ABCA12: variants seen among roughly 807,000 people sequenced by gnomAD.
ABCA12 encodes ATP binding cassette subfamily A member 12, also known as glucosylceramide transporter ABCA12.
A neutral mutation model predicts 293.5 loss-of-function variants in ABCA12; 156 were observed. The observed-to-expected ratio is 0.53, with a 90% CI of 0.47 to 0.61. ABCA12 has a LOEUF of 0.61. Ranked by LOEUF, ABCA12 falls within the 20% of genes least tolerant of loss-of-function variation. ABCA12 has a pLI of 0.00. For synonymous variants in ABCA12, 1,063 were observed against 1,108.0 expected (o/e 0.96, Z 0.81); for missense variants, 2,797 against 3,090.2 (o/e 0.91, Z 2.25).
rs775246769 is a variant in ABCA12, at chr2:214,986,673, G to A, written c.4032C>T (p.Val1344=). 1.7e-5 allele frequency: 27 copies of A among 1,613,964 alleles called. No homozygotes were observed. The highest frequency in any genetic ancestry group is 5.3e-5 in the African/African-American group (4 of 74,900). Residue 1344 remains valine, a synonymous_variant, in exon 28 of 53, where the codon GTC becomes GTT. Transcript: ENST00000272895. ...TTGTGACCCCATGCAGGGCAACCCC[G>A]ACTGTGAGATCTTTAGGTTCAGGCT... ...NIEPEPKDLT[V]GVALHGVTKI...
intron 2 of ABCA12, among the ~76,000 whole-genome samples, chr2:215,095,923 C>G (rs1160932605): frequency 6.6e-6 from 1 of 152,142 alleles, no homozygotes; most frequent in Non-Finnish European, 1.5e-5. Flanking sequence ...CCCTATCTTC[C>G]TTTGCTGACT....
intron 17 of ABCA12, among the ~76,000 whole-genome samples, chr2:215,010,725 G>A (rs933816981): frequency 1.8e-4 from 28 of 152,054 alleles, no homozygotes; most frequent in African/African-American, 6.0e-4. Context: ...AATAGAAAAC[G>A]TGAAAGCCAC....
At chr2:214,971,143 C>CA (rs1324668903) in intron 36 of ABCA12, among the ~76,000 whole-genome samples, 1 of 152,090 alleles carries the variant, frequency 6.6e-6, no homozygotes, top group Non-Finnish European at 1.5e-5. Context: ...TCTCATGCTT[C>CA]ATTGCAATGA....
Position 215,138,531 on chromosome 2 carries a change from A to T in ABCA12, c.-323T>A. ...GCACGAAGTCCAGACTCAAGAGAGAATGAGCATCATTCAGATAATGCCTCA... is the reference window on the plus strand; with the variant it reads ...GCACGAAGTCCAGACTCAAGAGAGATTGAGCATCATTCAGATAATGCCTCA... On this transcript the variant is annotated 5_prime_UTR_variant, in exon 1 of 53. Transcript: ENST00000272895. 2.8e-6 allele frequency: 1 copy of T among 360,834 alleles called. No individual in the cohort carries two copies. Among genetic ancestry groups the T allele is most frequent in the Non-Finnish European group, 5.3e-6 (1 of 188,968 alleles). The allele number at this position is 360,834 out of a possible 1,614,324, so 22.4% of individuals were successfully genotyped here.
At chr2:215,020,165 C>T (rs535622837) in intron 11 of ABCA12, among the ~76,000 whole-genome samples, 97 of 151,412 alleles carry the variant, frequency 6.4e-4, no homozygotes, top group Non-Finnish European at 1.2e-3. Context: ...TGTTTTAGAA[C>T]GTTTAAAAAG....
rs990368624 is a variant in ABCA12 at position 214,947,534 on chromosome 2, C to A, written c.7127G>T (p.Arg2376Ile). Residue 2376 changes from arginine to isoleucine, a missense_variant, in exon 48 of 53, where the codon AGA (arginine) becomes ATA (isoleucine). Arg to Ile is a moderately conservative substitution (Grantham distance 97). Coordinates refer to ENST00000272895, the MANE Select transcript of ABCA12 (RefSeq NM_173076.3). The stretch of plus-strand genomic sequence containing the variant: ...GTCCTTGAAGGGCATCAGGTGAAGT[C>A]TCCTAAGGAGTTTATGAACAGTCTG... ...IKETVHKLLR[R>I]LHLMPFKDRA... 6.2e-7 allele frequency: 1 copy of A among 1,613,696 alleles called. No homozygotes were observed. Among genetic ancestry groups the A allele is most frequent in the African/African-American group, 1.3e-5 (1 of 74,960 alleles).
At chr2:215,048,832 A>G (rs894936921) in intron 6 of ABCA12, among the ~76,000 whole-genome samples, 10 of 152,214 alleles carry the variant, frequency 6.6e-5, no homozygotes, top group African/African-American at 2.2e-4. Flanking sequence ...CATAACAAAG[A>G]ATGAGATGAT....
chr2:215,101,514 G>A (rs2106117304), intron 2 of ABCA12, among the ~76,000 whole-genome samples: 1 of 152,240 alleles, frequency 6.6e-6, no homozygotes, highest in Non-Finnish European at 1.5e-5. Context: ...ACATCTGTTT[G>A]TAAATCCCCA....
intron 11 of ABCA12, among the ~76,000 whole-genome samples, chr2:215,021,072 C>T (rs561525277): frequency 7.2e-5 from 11 of 152,274 alleles, no homozygotes; most frequent in African/African-American, 2.6e-4. Flanking sequence ...GCTGGTCTCA[C>T]TCTTGGGCTG....
At chr2:215,125,317 C>T (rs1362587190) in intron 1 of ABCA12, among the ~76,000 whole-genome samples, 1 of 151,810 alleles carries the variant, frequency 6.6e-6, no homozygotes, top group African/African-American at 2.4e-5. Flanking sequence ...TTTAGAATTA[C>T]TTTTTCTAAC....
intron 2 of ABCA12, among the ~76,000 whole-genome samples, chr2:215,103,949 T>G (rs931870128): frequency 6.6e-6 from 1 of 152,062 alleles, no homozygotes; most frequent in Admixed American, 6.5e-5. Context: ...ATTGCGCTAC[T>G]GCACTCCAGC....
chr2:215,027,007 C>T (rs957220861), intron 9 of ABCA12, 69 bp from the exon 10 acceptor site: 21 of 1,162,388 alleles, frequency 1.8e-5, no homozygotes, highest in Non-Finnish European at 2.6e-5. Context: ...TTGTTGAGAT[C>T]ATTTTGGTCC....
Position 214,986,579 on chromosome 2 carries a change from A to G in ABCA12, c.4126T>C (p.Leu1376=), listed in dbSNP as rs34351934. Reference sequence around the variant, plus strand: ...TTCCCAGCTCCATTGGGCCCCAGCAATGAAGTAATATGCCCTTCATAAAAG... The same window carrying G: ...TTCCCAGCTCCATTGGGCCCCAGCAGTGAAGTAATATGCCCTTCATAAAAG... ...LNFYEGHITS[L]LGPNGAGKTT... is the part of the protein sequence containing the mutation. Residue 1376 remains leucine (L), a synonymous_variant, in exon 28 of 53, where the codon TTG becomes CTG. Transcript: ENST00000272895. 191,127 of 1,613,664 alleles carry G rather than the reference A, an allele frequency of 0.12. 15,717 individuals carry two copies. Among genetic ancestry groups the G allele is most frequent in the African/African-American group, 0.38 (28,553 of 74,926 alleles).
At chr2:215,025,580 A>T in intron 11 of ABCA12, 93 bp downstream of exon 11, 1 of 834,852 alleles carries the variant, frequency 1.2e-6, no homozygotes, top group Non-Finnish European at 1.9e-6. Context: ...ATCTTGCCAA[A>T]TATTATGAGA....
chr2:214,979,535 TAATA>T (rs1243265388), intron 31 of ABCA12, among the ~76,000 whole-genome samples: 3 of 151,688 alleles, frequency 2.0e-5, no homozygotes, highest in Non-Finnish European at 4.4e-5. Flanking sequence ...TATTATTTAT[TAATA>T]AATATTAAAA....
chr2:215,066,005 A>G (rs1701633157), intron 2 of ABCA12, among the ~76,000 whole-genome samples: 1 of 152,076 alleles, frequency 6.6e-6, no homozygotes, highest in Non-Finnish European at 1.5e-5. Context: ...CTAAGTGAAA[A>G]TTGCAGTGAA....
chr2:215,067,888 A>C (rs945884090), intron 2 of ABCA12, among the ~76,000 whole-genome samples: 1 of 152,216 alleles, frequency 6.6e-6, no homozygotes, highest in African/African-American at 2.4e-5. Flanking sequence ...AAAGTAAATC[A>C]GATTCATTTT....
At chr2:215,035,711 C>T (rs1028773144) in intron 8 of ABCA12, 17 of 149,614 alleles carry the variant, frequency 1.1e-4, no homozygotes, top group Non-Finnish European at 2.2e-4. Context: ...TTAGCACAGT[C>T]ATAGACATAA....
At chr2:215,123,741 T>C (rs1461935347) in intron 1 of ABCA12, among the ~76,000 whole-genome samples, 1 of 148,418 alleles carries the variant, frequency 6.7e-6, no homozygotes, top group African/African-American at 2.6e-5. Context: ...ATCTGTTATT[T>C]TTTGGCTTGT....
Sources: gnomAD v4.1 joint callset for allele counts (sites outside exome capture counted in the v4.1 genomes callset) on GRCh38, gnomAD v4.1.1 for gene constraint, MANE v1.5 for transcripts, NCBI Gene and HGNC (gene_info 2026-07-23, HGNC 2026-07-21) for gene names.